Variants in DHRS9 observed in about 807,000 individuals in gnomAD.
DHRS9 encodes the protein dehydrogenase/reductase 9.
Under a neutral mutation model 26.6 loss-of-function variants are expected in DHRS9, and 18 were observed. The ratio of observed to expected loss-of-function variants is 0.68; its 90% confidence interval spans 0.47 to 1.00. The LOEUF (loss-of-function observed/expected upper bound fraction) is 1.00. Among genes scored for constraint, DHRS9 ranks in the 50% least tolerant of loss-of-function variants. The pLI is 0.00. For missense variants in DHRS9, 425 were observed against 378.7 expected (o/e 1.12, Z -1.01); for synonymous variants, 134 against 141.1 (o/e 0.95, Z 0.36).
intron 3 of DHRS9, among the ~76,000 whole-genome samples, chr2:169,087,393 G>A (rs952602255): frequency 6.6e-6 from 1 of 151,908 alleles, no homozygotes; most frequent in Non-Finnish European, 1.5e-5. Flanking sequence ...GCTCCCCTCT[G>A]GCCCAGGATA....
intron 4 of DHRS9, among the ~76,000 whole-genome samples, chr2:169,092,434 A>G (rs569114620): frequency 6.6e-6 from 1 of 152,364 alleles, no homozygotes; most frequent in East Asian, 1.9e-4. Context: ...TTTACAACCT[A>G]GTTGACAACA....
chr2:169,072,442 A>G (rs937920582), intron 1 of DHRS9: 4 of 234,092 alleles, frequency 1.7e-5, no homozygotes, highest in South Asian at 1.6e-4. Context: ...ATTGCTTATA[A>G]AAAGTATACC....
chr2:169,074,516 G>A (rs773469309), intron 1 of DHRS9: 10 of 912,024 alleles, frequency 1.1e-5, no homozygotes, highest in East Asian at 1.2e-4. Flanking sequence ...CCGTGCAGAG[G>A]TAACCACAGC....
chr2:169,093,775 T>G (rs888299396), intron 4 of DHRS9, among the ~76,000 whole-genome samples: 1 of 152,208 alleles, frequency 6.6e-6, no homozygotes, highest in African/African-American at 2.4e-5. Flanking sequence ...GGTCCCAAAG[T>G]AGACCACAAA....
At chr2:169,075,278 C>G (rs938899655) in intron 1 of DHRS9, among the ~76,000 whole-genome samples, 1 of 152,154 alleles carries the variant, frequency 6.6e-6, no homozygotes, top group Non-Finnish European at 1.5e-5. Context: ...GAGACTAGGA[C>G]AACCCAGATT....
intron 4 of DHRS9, 66 bp from the exon 5 acceptor site, chr2:169,095,478 C>A: frequency 1.5e-6 from 2 of 1,298,944 alleles, no homozygotes; most frequent in Non-Finnish European, 2.2e-6. Flanking sequence ...CTCCCCTTTG[C>A]ACCCTAGACT....
At chr2:169,088,649 G>T (rs1490753728) in intron 3 of DHRS9, among the ~76,000 whole-genome samples, 1 of 152,188 alleles carries the variant, frequency 6.6e-6, no homozygotes, top group East Asian at 1.9e-4. Context: ...AAAACTAAAA[G>T]AGTTTAATTA....
chr2:169,092,791 A>C (rs190809507), intron 4 of DHRS9, among the ~76,000 whole-genome samples: 60 of 152,326 alleles, frequency 3.9e-4, no homozygotes, highest in African/African-American at 1.3e-3. Context: ...CAACTAACAA[A>C]TAGTAAATAT....
At chr2:169,072,010 T>A (rs868012975) in intron 1 of DHRS9, among the ~76,000 whole-genome samples, 3,391 of 141,146 alleles carry the variant, frequency 0.024, 110 homozygotes, top group African/African-American at 0.085. Context: ...CCACCTGGGT[T>A]TTTTTTTTTT....
At chr2:169,079,475 TGAG>T (rs1684074382) in intron 1 of DHRS9, among the ~76,000 whole-genome samples, 1 of 152,096 alleles carries the variant, frequency 6.6e-6, no homozygotes, top group East Asian at 1.9e-4. Context: ...TGTTTTTTCT[TGAG>T]GATAAATTAC....
At chr2:169,069,940 C>T (rs989092738) in intron 1 of DHRS9, among the ~76,000 whole-genome samples, 1 of 152,098 alleles carries the variant, frequency 6.6e-6, no homozygotes, top group Non-Finnish European at 1.5e-5. Flanking sequence ...TGAACTCCTC[C>T]AGGACTCTCT....
At chr2:169,071,088 A>C (rs1191394024) in intron 1 of DHRS9, among the ~76,000 whole-genome samples, 1 of 152,036 alleles carries the variant, frequency 6.6e-6, no homozygotes, top group Non-Finnish European at 1.5e-5. Flanking sequence ...ACAACAACAA[A>C]AAACTCAGAC....
At chr2:169,071,336 T>C (rs1186329477) in intron 1 of DHRS9, among the ~76,000 whole-genome samples, 1 of 152,208 alleles carries the variant, frequency 6.6e-6, no homozygotes, top group Non-Finnish European at 1.5e-5. Context: ...GGAAACATTG[T>C]CAAAATAATA....
intron 1 of DHRS9, among the ~76,000 whole-genome samples, chr2:169,073,147 T>G (rs1683857488): frequency 1.3e-5 from 2 of 152,146 alleles, no homozygotes; most frequent in South Asian, 4.1e-4. Flanking sequence ...TTACTAAACA[T>G]CAACATAATG....
In DHRS9 at chr2:169,078,863, G is replaced by T. The variant is rs889606590; in HGVS notation, c.-59-2660G>T. 2.4e-5 allele frequency among the ~76,000 whole-genome samples: 3 copies of T among 124,298 alleles called. No individual in the cohort carries two copies. In the East Asian group the frequency reaches 7.0e-4, roughly 29 times the overall value. The allele number at this position is 124,298 out of a possible 152,430, so 81.5% of individuals were successfully genotyped here. ...TTTTGTGACAGAGTCTTGCACTGTCGCCAGGGCTGGAGTGCAATGGCATGA... is the reference window on the plus strand; with the variant it reads ...TTTTGTGACAGAGTCTTGCACTGTCTCCAGGGCTGGAGTGCAATGGCATGA... On this transcript the variant is annotated intron_variant, in intron 1 of 4. Coordinates refer to ENST00000674881, the MANE Select transcript of DHRS9 (RefSeq NM_001376924.1).
intron 4 of DHRS9, among the ~76,000 whole-genome samples, chr2:169,094,830 G>A (rs1684643786): frequency 6.6e-6 from 1 of 152,116 alleles, no homozygotes; most frequent in African/African-American, 2.4e-5. Context: ...GACTGGGGTT[G>A]TAATCCACCA....
chr2:169,081,993 GA>G, intron 2 of DHRS9, 99 bp downstream of exon 2: 1 of 1,237,926 alleles, frequency 8.1e-7, no homozygotes, highest in Non-Finnish European at 1.1e-6. Flanking sequence ...GGCCTTTCGA[GA>G]AAATGTTTCC....
rs1444517232 is a variant in DHRS9 at position 169,091,871 on chromosome 2, G to T, written c.654G>T (p.Lys218Asn). 2 of 1,613,916 alleles carry T rather than the reference G, an allele frequency of 1.2e-6. No homozygotes were observed. Among genetic ancestry groups the T allele is most frequent in the Admixed American group, 1.7e-5 (1 of 59,968 alleles). The part of the protein sequence containing the change: ...LFKTNLADPV[K>N]VIEKKLAIWE... ...AAACAAACTTGGCAGATCCAGTAAA[G>T]GTAATTGAAAAAAAACTCGCCATTT... Residue 218 changes from lysine to asparagine, a missense_variant, in exon 4 of 5, where the codon AAG (lysine) becomes AAT (asparagine). Coordinates refer to ENST00000674881, the MANE Select transcript of DHRS9 (RefSeq NM_001376924.1).
At chr2:169,081,013 C>A in intron 1 of DHRS9, 1 of 398,844 alleles carries the variant, frequency 2.5e-6, no homozygotes, top group Non-Finnish European at 3.4e-6. Flanking sequence ...TTGGGAATAT[C>A]TTAGTGGCAA....
Sources: allele counts gnomAD v4.1 joint callset (sites outside exome capture counted in the v4.1 genomes callset), GRCh38; gene constraint gnomAD v4.1.1; transcripts MANE v1.5; gene names NCBI Gene and HGNC (gene_info 2026-07-23, HGNC 2026-07-21).